PCDH15: variants seen among roughly 807,000 people sequenced by gnomAD.
PCDH15 encodes the protein protocadherin-15.
PCDH15 carries 129 observed loss-of-function variants against 178.5 expected under a neutral mutation model. The ratio of observed to expected loss-of-function variants is 0.72; its 90% CI spans 0.63 to 0.84. The LOEUF (loss-of-function observed/expected upper bound fraction) is 0.84, where lower values mean the gene tolerates loss of function less well. Ranked by LOEUF, PCDH15 falls within the 40% of genes least tolerant of loss-of-function variation. The probability of loss-of-function intolerance (pLI) is 0.00; values close to 1 mark genes in which losing one functional copy is unlikely to be tolerated. For missense variants in PCDH15, 2,230 were observed against 2,099.9 expected (o/e 1.06, Z -1.21); for synonymous variants, 800 against 732.0 (o/e 1.09, Z -1.50).
At chr10:54,141,779 C>T (rs986451774) in intron 14 of PCDH15, among the ~76,000 whole-genome samples, 2 of 152,254 alleles carry the variant, frequency 1.3e-5, no homozygotes, top group Middle Eastern at 3.4e-3. Flanking sequence ...AAAATATGCA[C>T]AAGTGTTGCA....
At chr10:54,391,534 G>T (rs2135319248) in intron 3 of PCDH15, among the ~76,000 whole-genome samples, 1 of 151,554 alleles carries the variant, frequency 6.6e-6, no homozygotes, top group African/African-American at 2.4e-5. Flanking sequence ...GGAACTATAA[G>T]AGGTAATGTC....
chr10:54,435,281 T>C (rs2075307266), intron 3 of PCDH15, among the ~76,000 whole-genome samples: 1 of 152,188 alleles, frequency 6.6e-6, no homozygotes. Context: ...TCTGACAGCC[T>C]GGAATTTTCT....
At chr10:54,729,438 T>A (rs949669784) in intron 1 of PCDH15, among the ~76,000 whole-genome samples, 9 of 151,348 alleles carry the variant, frequency 5.9e-5, no homozygotes, top group African/African-American at 7.3e-5. Flanking sequence ...AATGAAAAAC[T>A]TAAAACTATG....
chr10:54,965,451 T>G (rs532688213), intron 2 of PCDH15, among the ~76,000 whole-genome samples: 16 of 152,170 alleles, frequency 1.1e-4, no homozygotes, highest in African/African-American at 3.1e-4. Context: ...GCGTCTTTGC[T>G]CCTCCTTGAC....
At chr10:54,010,138 G>A (rs2092528433) in intron 20 of PCDH15, among the ~76,000 whole-genome samples, 1 of 152,136 alleles carries the variant, frequency 6.6e-6, no homozygotes, top group Non-Finnish European at 1.5e-5. Context: ...GGAGAGGCTG[G>A]CTGCCATTTT....
chr10:55,058,196 GTA>G (rs1359138086), intron 2 of PCDH15, among the ~76,000 whole-genome samples: 2 of 151,964 alleles, frequency 1.3e-5, no homozygotes, highest in African/African-American at 4.8e-5. Context: ...ATTTTGTTCT[GTA>G]TTTTATTTTT....
At chr10:55,320,352 A>T, upstream of PCDH15, among the ~76,000 whole-genome samples, 1 of 90,914 alleles carries the variant, frequency 1.1e-5, no homozygotes, top group South Asian at 3.4e-4. Flanking sequence ...AAACCTCCCC[A>T]CCCCAGTCCA....
At chr10:55,197,829 T>C (rs1840136277) in intron 1 of PCDH15, among the ~76,000 whole-genome samples, 1 of 152,122 alleles carries the variant, frequency 6.6e-6, no homozygotes, top group Non-Finnish European at 1.5e-5. Context: ...AATATTTATT[T>C]GAATGTACCC....
chr10:53,893,456 A>C (rs1020120973), intron 26 of PCDH15, among the ~76,000 whole-genome samples: 1 of 152,232 alleles, frequency 6.6e-6, no homozygotes, highest in Non-Finnish European at 1.5e-5. Flanking sequence ...TAAATAAATA[A>C]AATTTTAAGA....
intron 17 of PCDH15, among the ~76,000 whole-genome samples, chr10:54,071,349 TAATC>T (rs1353473058): frequency 1.3e-5 from 2 of 152,192 alleles, no homozygotes; most frequent in Non-Finnish European, 2.9e-5. Flanking sequence ...ATTTTCTTGT[TAATC>T]AACTTAATGA....
chr10:54,685,998 A>C (rs1254510727), intron 1 of PCDH15, among the ~76,000 whole-genome samples: 2 of 150,174 alleles, frequency 1.3e-5, no homozygotes, highest in Non-Finnish European at 3.0e-5. Context: ...CTACTTTTCT[A>C]ATTTTTGCAT....
intron 1 of PCDH15, among the ~76,000 whole-genome samples, chr10:54,731,199 C>G (rs958853208): frequency 1.3e-5 from 2 of 150,954 alleles, no homozygotes; most frequent in African/African-American, 4.8e-5. Flanking sequence ...AAATACAACT[C>G]AAAAGTGCAA....
rs149150480 is a variant in PCDH15 at position 55,521,197 on chromosome 10, G to A, written c.-156+106428C>T. On this transcript the variant is annotated intron_variant, in intron 2 of 5. Transcript: ENST00000613346. ...TATTTGTCTTTCTTTACCTGGCTTC[G>A]TTCACTTAGCATAATGTCTTTTAGA... 7.9e-3 allele frequency among the ~76,000 whole-genome samples: 1,202 copies of A among 151,936 alleles called. 9 individuals carry two copies. The highest frequency in any genetic ancestry group is 0.012 in the Non-Finnish European group (796 of 67,900).
At chr10:55,438,339 G>C (rs886328365) in intron 2 of PCDH15, among the ~76,000 whole-genome samples, 7 of 151,942 alleles carry the variant, frequency 4.6e-5, no homozygotes, top group Admixed American at 3.9e-4. Context: ...GATTATAAAG[G>C]ATTGAAAATA....
chr10:54,396,969 ATACTT>A (rs140967464), intron 3 of PCDH15, among the ~76,000 whole-genome samples: 8,482 of 152,134 alleles, frequency 0.056, 273 homozygotes, highest in Admixed American at 0.098. Context: ...TTTTTCTTAT[ATACTT>A]TAAAGTAATT....
intron 8 of PCDH15, among the ~76,000 whole-genome samples, chr10:54,292,202 CA>C (rs2059460873): frequency 6.6e-6 from 1 of 152,172 alleles, no homozygotes; most frequent in Non-Finnish European, 1.5e-5. Flanking sequence ...ATCACATAAA[CA>C]GAACCAATGA....
chr10:55,557,636 G>GA (rs570308057), intron 2 of PCDH15, among the ~76,000 whole-genome samples: 7 of 151,786 alleles, frequency 4.6e-5, no homozygotes, highest in East Asian at 3.9e-4. Context: ...TAATGGAGGT[G>GA]AAAAAAAAGG....
Position 54,929,126 on chromosome 10 carries a change from G to C in PCDH15, c.-79-31626C>G, listed in dbSNP as rs186471225. 9.0e-3 allele frequency among the ~76,000 whole-genome samples: 1,365 copies of C among 152,224 alleles called. 16 individuals carry two copies. Among genetic ancestry groups the C allele is most frequent in the Non-Finnish European group, 0.013 (872 of 68,006 alleles). The stretch of plus-strand genomic sequence containing the variant: ...TATTTTTCCTTTTATCCTATTTGAT[G>C]ACCATGAGCGTTTGATTGTGGCATA... On this transcript the variant is annotated intron_variant, in intron 2 of 5. Coordinates refer to the PCDH15 transcript ENST00000458638.
At chr10:54,106,438 G>A (rs1270423308) in intron 15 of PCDH15, among the ~76,000 whole-genome samples, 2 of 152,168 alleles carry the variant, frequency 1.3e-5, no homozygotes, top group Non-Finnish European at 2.9e-5. Flanking sequence ...GAGAAACACA[G>A]AAAGTGTCAG....
Sources: allele counts gnomAD v4.1 joint callset (sites outside exome capture counted in the v4.1 genomes callset), GRCh38; gene constraint gnomAD v4.1.1; transcripts MANE v1.5; gene names NCBI Gene and HGNC (gene_info 2026-07-23, HGNC 2026-07-21).